The following THSD7B variants were observed in gnomAD, a reference collection of about 807,000 sequenced individuals.
THSD7B encodes thrombospondin type-1 domain-containing protein 7B.
Under a neutral mutation model 213.6 loss-of-function variants are expected in THSD7B, and 138 were observed. The observed-to-expected ratio is 0.65, with a 90% CI of 0.56 to 0.74. THSD7B has a LOEUF of 0.74. Among genes scored for constraint, THSD7B ranks in the 30% least tolerant of loss-of-function variants. The probability of loss-of-function intolerance (pLI) is 0.00; values close to 1 mark genes in which losing one functional copy is unlikely to be tolerated. For synonymous variants in THSD7B, 742 were observed against 687.0 expected (o/e 1.08, Z -1.25); for missense variants, 1,931 against 1,991.5 (o/e 0.97, Z 0.58).
chr2:137,258,765 C>T (rs921587226), intron 10 of THSD7B, among the ~76,000 whole-genome samples: 4 of 151,496 alleles, frequency 2.6e-5, no homozygotes, highest in African/African-American at 4.9e-5. Flanking sequence ...TTGCTGCACC[C>T]GTCAACCCAT....
At chr2:137,345,182 T>G (rs1009749886) in intron 12 of THSD7B, among the ~76,000 whole-genome samples, 1 of 151,584 alleles carries the variant, frequency 6.6e-6, no homozygotes, top group African/African-American at 2.4e-5. Flanking sequence ...TTGTTAGCCA[T>G]CAAACATTTA....
intron 12 of THSD7B, among the ~76,000 whole-genome samples, chr2:137,309,243 ATTAC>A (rs1448983997): frequency 7.9e-5 from 12 of 152,076 alleles, no homozygotes; most frequent in Admixed American, 1.3e-4. Flanking sequence ...TGCTATTAAT[ATTAC>A]TTAGTCATTT....
At chr2:136,867,060 G>A (rs1683345684) in intron 1 of THSD7B, among the ~76,000 whole-genome samples, 1 of 151,994 alleles carries the variant, frequency 6.6e-6, no homozygotes, top group South Asian at 2.1e-4. Flanking sequence ...GTCACCCAGT[G>A]GGTCTAGACT....
intron 2 of THSD7B, among the ~76,000 whole-genome samples, chr2:136,953,495 G>A (rs540269152): frequency 5.3e-5 from 8 of 152,158 alleles, no homozygotes; most frequent in African/African-American, 1.9e-4. Flanking sequence ...TTAAGGATAA[G>A]TATATCCTTT....
intron 15 of THSD7B, among the ~76,000 whole-genome samples, chr2:137,467,137 T>A (rs767714836): frequency 5.9e-5 from 9 of 152,156 alleles, no homozygotes; most frequent in Non-Finnish European, 1.0e-4. Context: ...CTTGATTTGC[T>A]CAGACAAGTG....
rs1269101058 is a variant in THSD7B at position 137,209,363 on chromosome 2, TA to T, written c.1724-21675del. Among the ~76,000 whole-genome samples, 4 of 152,078 alleles carry T rather than the reference TA, an allele frequency of 2.6e-5. No homozygotes were observed. The East Asian group carries it at 5.8e-4, about 22-fold the overall frequency. ...CTTAGCACAAGGTGTCTCTCCCCAT[TA>T]AAAAATGGGTGGATTAAAAAGACAA... is the stretch of plus-strand genomic sequence containing the variant. On this transcript the variant is annotated intron_variant, in intron 7 of 27. Transcript: ENST00000409968.
At chr2:136,974,087 A>G (rs1387095386) in intron 2 of THSD7B, among the ~76,000 whole-genome samples, 4 of 152,180 alleles carry the variant, frequency 2.6e-5, no homozygotes, top group Non-Finnish European at 5.9e-5. Context: ...CTTGCCATTG[A>G]TAATTGTTTT....
At chr2:136,803,404 A>G (rs578133863) in intron 1 of THSD7B, among the ~76,000 whole-genome samples, 20 of 152,282 alleles carry the variant, frequency 1.3e-4, no homozygotes, top group East Asian at 5.8e-4. Flanking sequence ...AAGAGGGAAC[A>G]TGTCAAATTT....
chr2:137,403,446 C>A lies in THSD7B; in HGVS notation c.2501-2167C>A, dbSNP rs1485960002. On this transcript the variant is annotated intron_variant, in intron 12 of 27. Coordinates refer to ENST00000409968, the MANE Select transcript of THSD7B (RefSeq NM_001316349.2). ...AGAATTTTATATAAAAAGTTTTTAACAACATGATCCTAAACTGTGGTCTTT... is the reference window on the plus strand; with the variant it reads ...AGAATTTTATATAAAAAGTTTTTAAAAACATGATCCTAAACTGTGGTCTTT... Among the ~76,000 whole-genome samples the A allele has an allele frequency of 2.0e-5, 3 of 152,112 alleles. No individual in the cohort carries two copies. The South Asian group carries it at 6.2e-4, about 31-fold the overall frequency.
At chr2:137,017,303 C>G (rs768435337) in intron 2 of THSD7B, among the ~76,000 whole-genome samples, 8 of 149,890 alleles carry the variant, frequency 5.3e-5, no homozygotes, top group Non-Finnish European at 1.2e-4. Context: ...TTTTCTCTGT[C>G]TCTCTCTTTA....
intron 12 of THSD7B, among the ~76,000 whole-genome samples, chr2:137,360,073 A>T (rs1273935224): frequency 6.6e-6 from 1 of 152,226 alleles, no homozygotes. Context: ...ACTAAAAATT[A>T]ACTTGTCAAA....
At chr2:137,292,729 C>A (rs1467263110) in intron 12 of THSD7B, among the ~76,000 whole-genome samples, 2 of 152,118 alleles carry the variant, frequency 1.3e-5, no homozygotes, top group African/African-American at 4.8e-5. Context: ...ATTTGTTGGG[C>A]TTAAAAGATC....
At chr2:137,251,386 AGTCT>A (rs1174051372) in intron 10 of THSD7B, among the ~76,000 whole-genome samples, 1 of 152,076 alleles carries the variant, frequency 6.6e-6, no homozygotes, top group Non-Finnish European at 1.5e-5. Flanking sequence ...TTTGTCTGTC[AGTCT>A]GTCTATTATC....
chr2:137,608,807 G>A (rs1471949280), intron 17 of THSD7B, among the ~76,000 whole-genome samples: 1 of 152,142 alleles, frequency 6.6e-6, no homozygotes, highest in African/African-American at 2.4e-5. Context: ...TAAAATTAAG[G>A]TAAAGTATAG....
chr2:137,177,718 A>C (rs1230730761), intron 7 of THSD7B, among the ~76,000 whole-genome samples: 2 of 152,188 alleles, frequency 1.3e-5, no homozygotes, highest in Non-Finnish European at 2.9e-5. Context: ...GTTAGCATAT[A>C]ACAGAGAAGT....
rs767802725 is a variant in THSD7B at position 137,538,475 on chromosome 2, G to T, written c.3139-24746G>T. The stretch of plus-strand genomic sequence containing the variant: ...TTTGCTTATCATGCACTGCTAACAT[G>T]GACTTCTACAAAGGCTCAGGTTGGT... On this transcript the variant is annotated intron_variant, in intron 15 of 27. Transcript: ENST00000409968. The T allele has an allele frequency of 5.8e-6, 3 of 517,242 alleles. No homozygotes were observed. In the Admixed American group the frequency reaches 5.9e-5, roughly 10 times the overall value. The allele number at this position is 517,242 out of a possible 1,614,324, so 32.0% of individuals were successfully genotyped here. A position where few individuals can be genotyped will look rare whatever the true frequency, so the allele number is the denominator to read the frequency against.
chr2:136,996,166 C>T (rs1685883712), intron 2 of THSD7B, among the ~76,000 whole-genome samples: 1 of 152,146 alleles, frequency 6.6e-6, no homozygotes. Context: ...GCAGTAATTT[C>T]TATTTTCCTT....
At chr2:137,066,019 T>C (rs1687370815) in intron 3 of THSD7B, among the ~76,000 whole-genome samples, 3 of 151,998 alleles carry the variant, frequency 2.0e-5, no homozygotes, top group African/African-American at 7.2e-5. Context: ...TTTGTTTTCG[T>C]AGATCTGAGT....
chr2:137,516,663 C>T (rs924701167), intron 15 of THSD7B, among the ~76,000 whole-genome samples: 3 of 152,134 alleles, frequency 2.0e-5, no homozygotes, highest in Admixed American at 6.5e-5. Context: ...AGTGGGTCCA[C>T]GGACTCATTC....
Sources: gnomAD v4.1 joint callset for allele counts (sites outside exome capture counted in the v4.1 genomes callset) on GRCh38, gnomAD v4.1.1 for gene constraint, MANE v1.5 for transcripts, NCBI Gene and HGNC (gene_info 2026-07-23, HGNC 2026-07-21) for gene names.